Variants in GRIK1 observed in about 807,000 individuals in gnomAD.
The protein encoded by GRIK1 is glutamate receptor ionotropic, kainate 1.
Under a neutral mutation model 105.7 loss-of-function variants are expected in GRIK1, and 69 were observed. That is an observed-to-expected ratio of 0.65 (90% confidence interval 0.54 to 0.80). GRIK1 has a LOEUF of 0.80. Ranked by LOEUF, GRIK1 falls within the 30% of genes least tolerant of loss-of-function variation. The pLI is 0.00. For missense variants in GRIK1, 1,109 were observed against 1,167.3 expected, an observed-to-expected ratio of 0.95 and a Z score of 0.73; for synonymous variants, 438 against 431.3, an observed-to-expected ratio of 1.02 and a Z score of -0.19.
intron 1 of GRIK1, among the ~76,000 whole-genome samples, chr21:29,727,654 T>C (rs1274935877): frequency 1.3e-5 from 2 of 152,284 alleles, no homozygotes; most frequent in South Asian, 4.1e-4. Flanking sequence ...AGGCTTGAAG[T>C]GTAAATGTCC....
At chr21:29,643,878 G>A (rs1000704242) in intron 6 of GRIK1, among the ~76,000 whole-genome samples, 8 of 151,754 alleles carry the variant, frequency 5.3e-5, no homozygotes, top group East Asian at 3.9e-4. Flanking sequence ...AACTCACTTC[G>A]AGGTAGGATA....
At chr21:29,685,935 C>G (rs2063479259) in intron 3 of GRIK1, among the ~76,000 whole-genome samples, 1 of 152,148 alleles carries the variant, frequency 6.6e-6, no homozygotes, top group Non-Finnish European at 1.5e-5. Flanking sequence ...TTCTCTTTTC[C>G]CTTGAAGACT....
intron 1 of GRIK1, among the ~76,000 whole-genome samples, chr21:29,871,218 T>A (rs750679709): frequency 7.2e-5 from 11 of 152,164 alleles, no homozygotes; most frequent in Non-Finnish European, 1.2e-4. Context: ...GGTTTCATGG[T>A]CTAGTAAAAT....
At chr21:29,582,037 T>A (rs1012895999) in intron 12 of GRIK1, among the ~76,000 whole-genome samples, 1 of 152,196 alleles carries the variant, frequency 6.6e-6, no homozygotes, top group African/African-American at 2.4e-5. Context: ...AGAAGGAGTC[T>A]AAGTGGTGGT....
At chr21:29,839,618 A>G (rs1413409537) in intron 1 of GRIK1, among the ~76,000 whole-genome samples, 4 of 152,184 alleles carry the variant, frequency 2.6e-5, no homozygotes, top group African/African-American at 9.7e-5. Flanking sequence ...TGGAATCACT[A>G]TTGAGATGTT....
chr21:29,725,961 C>T (rs571081341), intron 1 of GRIK1, among the ~76,000 whole-genome samples: 5 of 152,266 alleles, frequency 3.3e-5, no homozygotes, highest in South Asian at 2.1e-4. Context: ...AGCATTAATA[C>T]ATTTTCAAAA....
intron 1 of GRIK1, among the ~76,000 whole-genome samples, chr21:29,739,224 G>A (rs895808137): frequency 6.6e-6 from 1 of 152,188 alleles, no homozygotes; most frequent in African/African-American, 2.4e-5. Context: ...AGATAGGATG[G>A]TCCAGGTAGG....
chr21:29,684,813 A>T (rs2063457509), intron 3 of GRIK1, among the ~76,000 whole-genome samples: 1 of 152,168 alleles, frequency 6.6e-6, no homozygotes, highest in Admixed American at 6.5e-5. Flanking sequence ...CCCGGCTGCA[A>T]AAACGCAATT....
intron 1 of GRIK1, among the ~76,000 whole-genome samples, chr21:29,747,953 C>G (rs2065088071): frequency 6.6e-6 from 1 of 152,136 alleles, no homozygotes; most frequent in Admixed American, 6.6e-5. Context: ...CCTTTTTCTC[C>G]CTTAGAATTT....
At position 29,733,503 on chromosome 21, in the gene GRIK1, AT is replaced by A. The variant is rs565811070; in HGVS notation, c.119-39441del. On this transcript the variant is annotated intron_variant, in intron 1 of 17. Transcript: ENST00000327783. ...AATAAAGTTGCATCCTAATCCCCTA[AT>A]TTTTTTTTCAAAAAAATTGTTGTAA... 8.2e-3 allele frequency among the ~76,000 whole-genome samples: 1,242 copies of A among 150,984 alleles called. 20 individuals are homozygous for A. The highest frequency in any genetic ancestry group is 0.028 in the African/African-American group (1,157 of 41,184).
chr21:29,717,878 A>T (rs1028628314), intron 1 of GRIK1, among the ~76,000 whole-genome samples: 9 of 152,166 alleles, frequency 5.9e-5, no homozygotes, highest in Non-Finnish European at 4.4e-5. Context: ...CTCAAATCTC[A>T]TCTCGAATTT....
chr21:29,722,894 A>G (rs1439753583), intron 1 of GRIK1, among the ~76,000 whole-genome samples: 2 of 152,246 alleles, frequency 1.3e-5, no homozygotes, highest in Admixed American at 1.3e-4. Flanking sequence ...TTAGAAATAT[A>G]TTGAATAAAA....
At chr21:29,854,753 T>C (rs945411258) in intron 1 of GRIK1, among the ~76,000 whole-genome samples, 2 of 152,188 alleles carry the variant, frequency 1.3e-5, no homozygotes, top group Non-Finnish European at 2.9e-5. Flanking sequence ...CGGGGAGTGA[T>C]GTCATTCGTT....
chr21:29,841,217 T>C (rs1019579803), intron 1 of GRIK1, among the ~76,000 whole-genome samples: 4 of 152,166 alleles, frequency 2.6e-5, no homozygotes, highest in African/African-American at 4.8e-5. Flanking sequence ...CCACTGTCAA[T>C]AGAAAATCAA....
At position 29,798,767 on chromosome 21, in the gene GRIK1, A is replaced by G. The variant is rs117877826; in HGVS notation, c.119-104704T>C. ...CTTTGGGTTGCTCAAAGCAGTATTAACGTGCTGACAAATTCTAGGGACTCT... is the reference window on the plus strand; with the variant it reads ...CTTTGGGTTGCTCAAAGCAGTATTAGCGTGCTGACAAATTCTAGGGACTCT... On this transcript the variant is annotated intron_variant, in intron 1 of 17. Transcript: ENST00000327783. 6.8e-4 allele frequency among the ~76,000 whole-genome samples: 104 copies of G among 152,350 alleles called. 3 individuals carry two copies. In the East Asian group the frequency reaches 0.017, roughly 25 times the overall value.
intron 1 of GRIK1, among the ~76,000 whole-genome samples, chr21:29,825,800 G>A (rs926438122): frequency 3.9e-5 from 6 of 152,022 alleles, no homozygotes; most frequent in Non-Finnish European, 5.9e-5. Context: ...TAATTTTTAA[G>A]TCTGTAATGC....
intron 14 of GRIK1, among the ~76,000 whole-genome samples, chr21:29,567,600 A>G (rs546654770): frequency 1.3e-5 from 2 of 152,306 alleles, no homozygotes; most frequent in African/African-American, 4.8e-5. Context: ...TATAGAACAA[A>G]TGAAATATCA....
intron 1 of GRIK1, among the ~76,000 whole-genome samples, chr21:29,695,460 CT>C (rs1238058542): frequency 1.4e-5 from 2 of 145,264 alleles, no homozygotes; most frequent in African/African-American, 5.1e-5. Context: ...ATCTATCTAT[CT>C]ATCTATCTAT....
At chr21:29,751,610 C>G (rs74645049) in intron 1 of GRIK1, among the ~76,000 whole-genome samples, 1,618 of 152,254 alleles carry the variant, frequency 0.011, 21 homozygotes, top group African/African-American at 0.037. Flanking sequence ...TTGCATGCTC[C>G]ATAAGTCCTT....
Sources: allele counts gnomAD v4.1 joint callset (sites outside exome capture counted in the v4.1 genomes callset), GRCh38; gene constraint gnomAD v4.1.1; transcripts MANE v1.5; gene names NCBI Gene and HGNC (gene_info 2026-07-23, HGNC 2026-07-21).